TEAD1: variants seen among roughly 807,000 people sequenced by gnomAD.
TEAD1 encodes the protein TEA domain transcription factor 1, also known as transcriptional enhancer factor TEF-1.
A neutral mutation model predicts 54.9 loss-of-function variants in TEAD1; 9 were observed. That is an observed-to-expected ratio of 0.16 (90% CI 0.10 to 0.29). The LOEUF (loss-of-function observed/expected upper bound fraction) is 0.29. Among genes scored for constraint, TEAD1 ranks in the 10% least tolerant of loss-of-function variants. The pLI is 1.00. For missense variants in TEAD1, 387 were observed against 535.9 expected, an observed-to-expected ratio of 0.72 and a Z score of 2.74; for synonymous variants, 200 against 187.8, an observed-to-expected ratio of 1.07 and a Z score of -0.53.
At chr11:12,860,880 G>T (rs938443620) in intron 3 of TEAD1, among the ~76,000 whole-genome samples, 1 of 152,244 alleles carries the variant, frequency 6.6e-6, no homozygotes, top group African/African-American at 2.4e-5. Context: ...TGGGCAATTA[G>T]AGAAGACTTC....
chr11:12,890,954 A>G (rs779894175), intron 9 of TEAD1, among the ~76,000 whole-genome samples: 2 of 152,056 alleles, frequency 1.3e-5, no homozygotes, highest in Non-Finnish European at 2.9e-5. Flanking sequence ...TAGTAGAGAC[A>G]AGGTTTTGTC....
chr11:12,857,614 T>TGTG (rs1947417461), intron 3 of TEAD1, among the ~76,000 whole-genome samples: 1 of 55,148 alleles, frequency 1.8e-5, no homozygotes, highest in Non-Finnish European at 3.6e-5. Flanking sequence ...GTGTGTGTGT[T>TGTG]AGAAGATCAT....
chr11:12,885,067 G>T (rs1948059149), intron 9 of TEAD1, among the ~76,000 whole-genome samples: 1 of 152,080 alleles, frequency 6.6e-6, no homozygotes, highest in African/African-American at 2.4e-5. Context: ...TTTTCCCCAT[G>T]ATAGGTTCTG....
intron 2 of TEAD1, among the ~76,000 whole-genome samples, chr11:12,709,246 G>A (rs1039069005): frequency 2.6e-5 from 4 of 151,942 alleles, no homozygotes; most frequent in Non-Finnish European, 5.9e-5. Flanking sequence ...GCTGAGGTGG[G>A]AGAATTGCTT....
chr11:12,912,912 G>A (rs1400179147), intron 10 of TEAD1, among the ~76,000 whole-genome samples: 1 of 152,066 alleles, frequency 6.6e-6, no homozygotes, highest in African/African-American at 2.4e-5. Flanking sequence ...CCCAGGTCAG[G>A]GGTCTGTCCC....
intron 12 of TEAD1, among the ~76,000 whole-genome samples, chr11:12,934,825 T>A (rs1451720920): frequency 6.6e-6 from 1 of 152,136 alleles, no homozygotes; most frequent in African/African-American, 2.4e-5. Context: ...CCAGCACTTG[T>A]CACGTAGTAA....
chr11:12,799,015 G>A (rs1945996820), intron 3 of TEAD1, among the ~76,000 whole-genome samples: 1 of 152,194 alleles, frequency 6.6e-6, no homozygotes. Flanking sequence ...AGAACACTTG[G>A]TATCTGTTCA....
At chr11:12,844,792 T>G (rs932052324) in intron 3 of TEAD1, among the ~76,000 whole-genome samples, 7 of 151,890 alleles carry the variant, frequency 4.6e-5, no homozygotes, top group African/African-American at 1.7e-4. Flanking sequence ...GATTGATATG[T>G]TTTAGCACTT....
At chr11:12,732,199 CCTT>C (rs1160754349) in intron 2 of TEAD1, among the ~76,000 whole-genome samples, 2 of 152,070 alleles carry the variant, frequency 1.3e-5, no homozygotes, top group East Asian at 3.9e-4. Flanking sequence ...ACTCTATCAT[CCTT>C]CATAGTCACT....
chr11:12,809,965 T>G (rs1263599043), intron 3 of TEAD1, among the ~76,000 whole-genome samples: 2 of 129,712 alleles, frequency 1.5e-5, no homozygotes, highest in Non-Finnish European at 3.2e-5. Flanking sequence ...AGAAAACTCT[T>G]TCCCCATTCT....
At chr11:12,812,878 T>G (rs1682124847) in intron 3 of TEAD1, among the ~76,000 whole-genome samples, 1 of 152,170 alleles carries the variant, frequency 6.6e-6, no homozygotes, top group African/African-American at 2.4e-5. Context: ...CAGCAAGAAT[T>G]CAATAGAACA....
At chr11:12,802,484 TC>T (rs1407812026) in intron 3 of TEAD1, among the ~76,000 whole-genome samples, 1 of 151,972 alleles carries the variant, frequency 6.6e-6, no homozygotes, top group South Asian at 2.1e-4. Flanking sequence ...AATTACATGT[TC>T]CCCCCATCTC....
intron 3 of TEAD1, among the ~76,000 whole-genome samples, chr11:12,771,236 G>A (rs1430802858): frequency 6.6e-6 from 1 of 152,212 alleles, no homozygotes; most frequent in Non-Finnish European, 1.5e-5. Context: ...TTGCGGGTCC[G>A]AGTGCCATGC....
intron 11 of TEAD1, 72 bp downstream of exon 11, chr11:12,925,124 G>T (rs1948883303): frequency 6.4e-7 from 1 of 1,565,746 alleles, no homozygotes; most frequent in Admixed American, 1.7e-5. Context: ...CCTTCCTTGG[G>T]GCAGAGAGTT....
At chr11:12,733,520 A>G (rs1312320897) in intron 2 of TEAD1, among the ~76,000 whole-genome samples, 1 of 152,184 alleles carries the variant, frequency 6.6e-6, no homozygotes, top group African/African-American at 2.4e-5. Context: ...GGCCTTGGGA[A>G]TTTAACAGCT....
chr11:12,875,928 T>A (rs1439785957), intron 5 of TEAD1, among the ~76,000 whole-genome samples: 2 of 152,264 alleles, frequency 1.3e-5, no homozygotes, highest in African/African-American at 2.4e-5. Flanking sequence ...AATGTGCAAC[T>A]TTTAATTTTA....
intron 10 of TEAD1, among the ~76,000 whole-genome samples, chr11:12,907,411 T>C (rs1424051677): frequency 6.6e-6 from 1 of 152,220 alleles, no homozygotes; most frequent in East Asian, 1.9e-4. Context: ...GGGATTCTTT[T>C]TACTGAGTGT....
Position 12,901,954 on chromosome 11 carries a change from C to G in TEAD1, c.714C>G (p.Leu238=). Residue 238 remains leucine (L), a synonymous_variant, in exon 10 of 13, where the codon CTC becomes CTG. Coordinates refer to ENST00000527636, the MANE Select transcript of TEAD1 (RefSeq NM_021961.6). ...GTTTCTTACAGTACAACAAACACCTCTTCGTGCACATTGGGCATGCCAACC... is the reference window on the plus strand; with the variant it reads ...GTTTCTTACAGTACAACAAACACCTGTTCGTGCACATTGGGCATGCCAACC... 1 of 1,614,208 alleles carries G rather than the reference C, an allele frequency of 6.2e-7. No individual in the cohort carries two copies. Among genetic ancestry groups the G allele is most frequent in the East Asian group, 2.2e-5 (1 of 44,882 alleles).
chr11:12,752,929 G>A (rs113114539), intron 2 of TEAD1, among the ~76,000 whole-genome samples: 29 of 151,310 alleles, frequency 1.9e-4, no homozygotes, highest in African/African-American at 6.1e-4. Context: ...CAGCTTGACC[G>A]CCTGGGCTCA....
Sources: allele counts gnomAD v4.1 joint callset (sites outside exome capture counted in the v4.1 genomes callset), GRCh38; gene constraint gnomAD v4.1.1; transcripts MANE v1.5; gene names NCBI Gene and HGNC (gene_info 2026-07-23, HGNC 2026-07-21).